GPHN: variants seen among roughly 807,000 people sequenced by gnomAD.
GPHN encodes the protein gephyrin.
A neutral mutation model predicts 95.5 loss-of-function variants in GPHN; 17 were observed. The ratio of observed to expected loss-of-function variants is 0.18; its 90% CI spans 0.12 to 0.27. The LOEUF (loss-of-function observed/expected upper bound fraction) is 0.27, where lower values mean the gene tolerates loss of function less well. Ranked by LOEUF, GPHN falls within the 10% of genes least tolerant of loss-of-function variation. The probability of loss-of-function intolerance (pLI) is 1.00; values close to 1 mark genes in which losing one functional copy is unlikely to be tolerated. For missense variants in GPHN, 660 were observed against 978.1 expected (o/e 0.67, Z 4.34); for synonymous variants, 320 against 322.5 (o/e 0.99, Z 0.08).
the GPHN span, chr14:67,589,343 T>G: frequency 1.0e-6 from 1 of 981,706 alleles, no homozygotes; most frequent in Non-Finnish European, 1.2e-6. Context: ...TTTGTTAACA[T>G]GAGAGTCCCA....
chr14:66,629,522 G>A (rs1407016332), intron 1 of GPHN, among the ~76,000 whole-genome samples: 2 of 152,066 alleles, frequency 1.3e-5, no homozygotes, highest in South Asian at 2.1e-4. Context: ...TTTTTAATAA[G>A]TAGGGGTACA....
intron 2 of GPHN, among the ~76,000 whole-genome samples, chr14:66,769,581 G>T (rs2059089152): frequency 6.6e-6 from 1 of 152,046 alleles, no homozygotes; most frequent in Non-Finnish European, 1.5e-5. Context: ...GTGGTATTTG[G>T]CTTTCTGTTC....
At chr14:67,381,694 AGTCATGAGTT>A in the GPHN span, 2 of 1,605,546 alleles carry the variant, frequency 1.2e-6, no homozygotes, top group Non-Finnish European at 1.7e-6. Context: ...CATTAAGGTG[AGTCATGAGTT>A]GTCTCCCTCC....
chr14:67,477,649 G>T, the GPHN span, among the ~76,000 whole-genome samples: 4 of 152,152 alleles, frequency 2.6e-5, no homozygotes, highest in African/African-American at 9.7e-5. Context: ...CCATGGGCAG[G>T]TGTGGTGGCT....
chr14:67,722,811 A>G, the GPHN span: 1 of 1,020,644 alleles, frequency 9.8e-7, no homozygotes, highest in Non-Finnish European at 1.6e-6. Context: ...AGGCTGACAG[A>G]GGAGAAAGTC....
At chr14:67,233,046 A>G in the GPHN span, among the ~76,000 whole-genome samples, 43 of 152,094 alleles carry the variant, frequency 2.8e-4, no homozygotes, top group African/African-American at 1.0e-3. Context: ...AACAGTATCT[A>G]TTTTCTCCAA....
At chr14:67,417,919 T>A in the GPHN span, among the ~76,000 whole-genome samples, 2 of 151,882 alleles carry the variant, frequency 1.3e-5, no homozygotes, top group Admixed American at 6.6e-5. Context: ...AATTATTTAA[T>A]GTTTTTGTAG....
chr14:67,223,976 A>T, the GPHN span: 1 of 984,960 alleles, frequency 1.0e-6, no homozygotes, highest in Non-Finnish European at 1.2e-6. Context: ...ATAGGCGGAA[A>T]TCAGAATAAT....
chr14:67,257,467 G>A, the GPHN span, among the ~76,000 whole-genome samples: 3 of 152,174 alleles, frequency 2.0e-5, no homozygotes, highest in East Asian at 5.8e-4. Flanking sequence ...TTGGGGTCCT[G>A]ATACTTACTT....
chr14:67,212,589 G>GAA, the GPHN span, among the ~76,000 whole-genome samples: 253 of 100,322 alleles, frequency 2.5e-3, no homozygotes, highest in Middle Eastern at 6.4e-3. Context: ...AGACCCTGTT[G>GAA]AAAAAAAAAA....
the GPHN span, among the ~76,000 whole-genome samples, chr14:67,444,786 G>A: frequency 6.6e-6 from 1 of 152,186 alleles, no homozygotes; most frequent in Non-Finnish European, 1.5e-5. Flanking sequence ...GTGTGACAGA[G>A]TATCGCTCTG....
chr14:67,560,096 G>A, the GPHN span, among the ~76,000 whole-genome samples: 1 of 152,024 alleles, frequency 6.6e-6, no homozygotes, highest in Non-Finnish European at 1.5e-5. Flanking sequence ...GCGCAATCTC[G>A]GCTTACCGCA....
the GPHN span, among the ~76,000 whole-genome samples, chr14:67,204,038 C>A: frequency 1.1e-4 from 17 of 152,152 alleles, no homozygotes; most frequent in Admixed American, 8.5e-4. Context: ...TACATCAGAG[C>A]CTTAGGCATA....
intron 8 of GPHN, among the ~76,000 whole-genome samples, chr14:66,932,444 G>GT (rs35159325): frequency 0.07 from 1,709 of 24,372 alleles, 634 homozygotes; most frequent in East Asian, 0.086. Flanking sequence ...CCAAGACCAG[G>GT]TTTTTTTTTT....
chr14:67,424,600 A>T, the GPHN span, among the ~76,000 whole-genome samples: 1 of 149,464 alleles, frequency 6.7e-6, no homozygotes, highest in Non-Finnish European at 1.5e-5. Flanking sequence ...CGCTGTTTAA[A>T]AAAAAAAAAA....
intron 8 of GPHN, among the ~76,000 whole-genome samples, chr14:66,961,835 CCAACTTAGAAAT>C: frequency 7.2e-6 from 1 of 138,286 alleles, no homozygotes; most frequent in East Asian, 2.1e-4. Flanking sequence ...ATTGGCTTAA[CCAACTTAGAAAT>C]TTTTTAAAGA....
intron 4 of GPHN, among the ~76,000 whole-genome samples, chr14:66,867,499 G>T (rs573419967): frequency 6.6e-6 from 1 of 152,058 alleles, no homozygotes; most frequent in Admixed American, 6.6e-5. Flanking sequence ...GGAGTTTGTC[G>T]TGGATGTAAC....
chr14:67,642,798 T>TC, the GPHN span, among the ~76,000 whole-genome samples: 4 of 94,964 alleles, frequency 4.2e-5, no homozygotes, highest in Admixed American at 2.2e-4. Flanking sequence ...ATTTTCTTTT[T>TC]TTTTTTTTTT....
At chr14:67,311,918 GTT>G in the GPHN span, 2 of 152,746 alleles carry the variant, frequency 1.3e-5, no homozygotes, top group African/African-American at 4.8e-5. Context: ...CGCCAAGAGA[GTT>G]TAAGGCATAG....
Sources: gnomAD v4.1 joint callset for allele counts (sites outside exome capture counted in the v4.1 genomes callset) on GRCh38, gnomAD v4.1.1 for gene constraint, MANE v1.5 for transcripts, NCBI Gene and HGNC (gene_info 2026-07-23, HGNC 2026-07-21) for gene names.